The following PLEKHB1 variants were observed in gnomAD, a reference collection of about 807,000 sequenced individuals.
PLEKHB1 encodes pleckstrin homology domain containing B1.
In PLEKHB1, 29 loss-of-function variants were observed where a neutral mutation model predicts 36.2. The observed-to-expected ratio is 0.80, with a 90% CI of 0.60 to 1.09. The LOEUF is 1.09. Among genes scored for constraint, PLEKHB1 ranks in the 50% least tolerant of loss-of-function variants. PLEKHB1 has a pLI of 0.00. For synonymous variants in PLEKHB1, 138 were observed against 140.0 expected, an observed-to-expected ratio of 0.99 and a Z score of 0.10; for missense variants, 330 against 348.2, an observed-to-expected ratio of 0.95 and a Z score of 0.42.
At chr11:73,659,944 A>G (rs1286657588) in intron 6 of PLEKHB1, among the ~76,000 whole-genome samples, 1 of 152,232 alleles carries the variant, frequency 6.6e-6, no homozygotes, top group Non-Finnish European at 1.5e-5. Flanking sequence ...TTTTGGGTCA[A>G]TGATGGACCA....
At chr11:73,654,817 C>A (rs1238763242) in intron 5 of PLEKHB1, among the ~76,000 whole-genome samples, 1 of 152,192 alleles carries the variant, frequency 6.6e-6, no homozygotes, top group Admixed American at 6.5e-5. Flanking sequence ...TCATCGGGGC[C>A]AGCTCATGAT....
At chr11:73,646,711 T>C in intron 1 of PLEKHB1, 85 bp downstream of exon 1, 6 of 1,431,254 alleles carry the variant, frequency 4.2e-6, no homozygotes, top group East Asian at 2.5e-5. Flanking sequence ...CAGAAGTCTT[T>C]TAGGCCCTGA....
chr11:73,649,000 C>A lies in PLEKHB1; in HGVS notation c.19-12C>A. 6.3e-7 allele frequency: 1 copy of A among 1,583,954 alleles called. No homozygotes were observed. Among genetic ancestry groups the A allele is most frequent in the Non-Finnish European group, 8.6e-7 (1 of 1,164,998 alleles). ...CTGCTGAGGCCTGTGTCTCCCGTGG[C>A]TCCTCTGACAGGTCCCGCCTGACTC... On this transcript the variant is annotated splice_polypyrimidine_tract_variant and intron_variant, in intron 1 of 7. Transcript: ENST00000354190.
chr11:73,652,343 C>A, intron 4 of PLEKHB1: 1 of 179,092 alleles, frequency 5.6e-6, no homozygotes, highest in Non-Finnish European at 1.2e-5. Flanking sequence ...ATGTCAGATG[C>A]ATATCCACGT....
chr11:73,654,010 A>T lies in PLEKHB1; in HGVS notation c.390+996A>T, dbSNP rs189701650. Among the ~76,000 whole-genome samples, 103 of 133,496 alleles carry T rather than the reference A, an allele frequency of 7.7e-4. 1 individual carries two copies. In the East Asian group the frequency reaches 0.018, roughly 23 times the overall value. 87.6% of individuals were successfully genotyped at this position (133,496 alleles called of 152,430 possible). On this transcript the variant is annotated intron_variant, in intron 5 of 7. Transcript: ENST00000354190. The stretch of plus-strand genomic sequence containing the variant: ...AGGGGGTAGTCTGTCAGTTTATGAA[A>T]TTTTGTTGTAGAAAAAAGGAAAAAA...
chr11:73,648,826 C>T, intron 1 of PLEKHB1, 186 bp from the exon 2 acceptor site: 1 of 1,356,334 alleles, frequency 7.4e-7, no homozygotes, highest in Non-Finnish European at 9.5e-7. Context: ...CCTGCTGACC[C>T]CACAGTGACA....
intron 6 of PLEKHB1, among the ~76,000 whole-genome samples, chr11:73,659,501 G>T (rs1307880505): frequency 5.3e-5 from 8 of 152,178 alleles, no homozygotes; most frequent in Non-Finnish European, 1.2e-4. Context: ...CATAGTTCTT[G>T]GTTCCTGGTA....
At position 73,650,624 on chromosome 11, in the gene PLEKHB1, G is replaced by A. The variant is rs748619146; in HGVS notation, c.166G>A (p.Asp56Asn). The A allele has an allele frequency of 3.7e-6, 6 of 1,613,274 alleles. No individual in the cohort carries two copies. Among genetic ancestry groups the A allele is most frequent in the Admixed American group, 1.7e-5 (1 of 59,920 alleles). Reference protein sequence around the residue: ...WLDGTLGYYHDETAQDEEDRV... With the variant: ...WLDGTLGYYHNETAQDEEDRV... Reference sequence around the variant, plus strand: ...GGACGGGACCCTGGGATACTACCACGATGAGACAGCGCAGGACGAGGAGGA... The same window carrying A: ...GGACGGGACCCTGGGATACTACCACAATGAGACAGCGCAGGACGAGGAGGA... Residue 56 changes from aspartate (D) to asparagine (N), a missense_variant, in exon 3 of 8, where the codon GAT (aspartate) becomes AAT (asparagine). Coordinates refer to ENST00000354190, the MANE Select transcript of PLEKHB1 (RefSeq NM_021200.3).
chr11:73,649,135 C>A (rs1944833167), intron 2 of PLEKHB1, 48 bp downstream of exon 2: 1 of 1,553,072 alleles, frequency 6.4e-7, no homozygotes, highest in South Asian at 1.2e-5. Context: ...AAGGAAGTGG[C>A]TTACTGGGCT....
At chr11:73,660,923 C>G in intron 7 of PLEKHB1, 71 bp downstream of exon 7, 1 of 1,373,818 alleles carries the variant, frequency 7.3e-7, no homozygotes, top group Non-Finnish European at 1.0e-6. Flanking sequence ...AGCCCACGGT[C>G]CGTAAGTCCG....
intron 4 of PLEKHB1, chr11:73,652,445 GCT>G (rs1565329760): frequency 6.2e-6 from 1 of 161,496 alleles, no homozygotes. Flanking sequence ...TGGCCTTTGC[GCT>G]GGAGGAGAGT....
At chr11:73,655,397 G>A (rs559988551) in intron 5 of PLEKHB1, among the ~76,000 whole-genome samples, 1 of 152,262 alleles carries the variant, frequency 6.6e-6, no homozygotes, top group South Asian at 2.1e-4. Flanking sequence ...TCCAGGTGGA[G>A]GCTCCAGGAG....
rs189701650 is a variant in PLEKHB1, at chr11:73,654,010, A to C, written c.390+996A>C. Among the ~76,000 whole-genome samples, 22 of 133,498 alleles carry C rather than the reference A, an allele frequency of 1.6e-4. No individual in the cohort carries two copies. In the Admixed American group the frequency reaches 1.7e-3, roughly 10 times the overall value. The allele number at this position is 133,498 out of a possible 152,430, so 87.6% of individuals were successfully genotyped here. A position where few individuals can be genotyped will look rare whatever the true frequency, so the allele number is the denominator to read the frequency against. ...AGGGGGTAGTCTGTCAGTTTATGAA[A>C]TTTTGTTGTAGAAAAAAGGAAAAAA... On this transcript the variant is annotated intron_variant, in intron 5 of 7. Coordinates refer to ENST00000354190, the MANE Select transcript of PLEKHB1 (RefSeq NM_021200.3).
At chr11:73,657,473 GT>G (rs1177595281) in intron 6 of PLEKHB1, among the ~76,000 whole-genome samples, 2 of 152,204 alleles carry the variant, frequency 1.3e-5, no homozygotes, top group African/African-American at 2.4e-5. Context: ...GTCAACACTG[GT>G]TGTACCCACA....
Position 73,661,537 on chromosome 11 carries a change from A to G in PLEKHB1, c.667A>G (p.Met223Val). 2 of 1,611,704 alleles carry G rather than the reference A, an allele frequency of 1.2e-6. No individual in the cohort carries two copies. The highest frequency in any genetic ancestry group is 1.7e-6 in the Non-Finnish European group (2 of 1,178,786). ...YSAGAPLAMG[M>V]LAGAATGAAL... ...CGCCGGCGCCCCTCTGGCCATGGGCATGCTTGCGGGAGCCGCCACTGGGGC... is the reference window on the plus strand; with the variant it reads ...CGCCGGCGCCCCTCTGGCCATGGGCGTGCTTGCGGGAGCCGCCACTGGGGC... The change falls in exon 8 of 8, where the codon ATG (methionine) becomes GTG (valine). Residue 223 changes from methionine (M) to valine (V), a missense_variant. Physicochemically the swap from Met to Val is conservative, Grantham distance 21. Coordinates refer to ENST00000354190, the MANE Select transcript of PLEKHB1 (RefSeq NM_021200.3). The surrounding 1 kb of genome is among the most constrained non-coding windows in gnomAD (Gnocchi z 4.6).
chr11:73,654,344 C>T (rs1015462588), intron 5 of PLEKHB1, among the ~76,000 whole-genome samples: 6 of 152,210 alleles, frequency 3.9e-5, no homozygotes, highest in African/African-American at 1.4e-4. Context: ...CCCCTCTCAC[C>T]TATAGAGAAA....
At chr11:73,656,750 T>C (rs889300798) in intron 6 of PLEKHB1, among the ~76,000 whole-genome samples, 2 of 152,214 alleles carry the variant, frequency 1.3e-5, no homozygotes, top group African/African-American at 4.8e-5. Context: ...AGTGTGGCTA[T>C]GTATCAGGAT....
At chr11:73,646,659 G>C in intron 1 of PLEKHB1, 33 bp downstream of exon 1, 1 of 1,551,224 alleles carries the variant, frequency 6.4e-7, no homozygotes, top group Non-Finnish European at 8.7e-7. Context: ...AGGAGGAAGG[G>C]CCCAGGGCAG....
chr11:73,652,126 T>G (rs1038696612), intron 4 of PLEKHB1: 7 of 543,718 alleles, frequency 1.3e-5, no homozygotes, highest in Non-Finnish European at 2.3e-5. Context: ...GGGGGAGGTG[T>G]GCACACCTGC....
Sources: allele counts gnomAD v4.1 joint callset (sites outside exome capture counted in the v4.1 genomes callset), GRCh38; gene constraint gnomAD v4.1.1; non-coding constraint Gnocchi (gnomAD v3.1); transcripts MANE v1.5; gene names NCBI Gene and HGNC (gene_info 2026-07-23, HGNC 2026-07-21).